The following PPP6R2 variants were observed in gnomAD, a reference collection of about 807,000 sequenced individuals.
The protein encoded by PPP6R2 is serine/threonine-protein phosphatase 6 regulatory subunit 2.
PPP6R2 carries 62 observed loss-of-function variants against 100.2 expected under a neutral mutation model. That is an observed-to-expected ratio of 0.62 (90% CI 0.50 to 0.76). The LOEUF (loss-of-function observed/expected upper bound fraction) is 0.76, where lower values mean the gene tolerates loss of function less well. PPP6R2 is among the 30% of genes least tolerant of loss of function. The probability of loss-of-function intolerance (pLI) is 0.00; values close to 1 mark genes in which losing one functional copy is unlikely to be tolerated. For synonymous variants in PPP6R2, 525 were observed against 514.7 expected (o/e 1.02, Z -0.27); for missense variants, 1,142 against 1,276.3 (o/e 0.89, Z 1.60).
At chr22:50,443,284 T>TA (rs1477636051) in intron 22 of PPP6R2, 1 of 153,880 alleles carries the variant, frequency 6.5e-6, no homozygotes, top group Non-Finnish European at 1.4e-5. Context: ...ACTTGCCACT[T>TA]AGAGCCCTGC....
chr22:50,418,316 G>T (rs898508537), intron 6 of PPP6R2, among the ~76,000 whole-genome samples: 10 of 152,022 alleles, frequency 6.6e-5, no homozygotes, highest in Non-Finnish European at 1.2e-4. Flanking sequence ...GCAGACACAG[G>T]CTTCTTTGAA....
chr22:50,403,795 T>G (rs1424580504), intron 3 of PPP6R2, among the ~76,000 whole-genome samples: 1 of 152,210 alleles, frequency 6.6e-6, no homozygotes, highest in Non-Finnish European at 1.5e-5. Flanking sequence ...TGGCACTTTC[T>G]TGTCTGGGCT....
At position 50,439,848 on chromosome 22, in the gene PPP6R2, C is replaced by T. The variant is rs773960154; in HGVS notation, c.2276C>T (p.Pro759Leu). ...TGGGCCAAGTTCACTGACTTCCAAC[C>T]TTTCTGCTGGTAACAAATGCGCTGG... The part of the protein sequence containing the change: ...KGWAKFTDFQ[P>L]FCCSESGPRC... Residue 759 changes from proline to leucine, a missense_variant, in exon 20 of 24, where the codon CCT (proline) becomes CTT (leucine). Physicochemically the swap from Pro to Leu is moderately conservative, Grantham distance 98 (BLOSUM62 -3). This residue lies in a region of PPP6R2 where 550 missense variants were observed against 517.4 expected (regional missense o/e 1.06). Transcript: ENST00000612753. The T allele has an allele frequency of 1.9e-6, 3 of 1,612,750 alleles. No homozygotes were observed. The highest frequency in any genetic ancestry group is 2.5e-6 in the Non-Finnish European group (3 of 1,179,328).
Position 50,431,409 on chromosome 22 carries a change from C to T in PPP6R2, c.1335+27C>T. On this transcript the variant is annotated intron_variant, in intron 11 of 23. Transcript: ENST00000612753. The surrounding 1 kb of genome is among the most constrained non-coding windows in gnomAD (Gnocchi z 4.8). ...TGAGTCCAAGAAGCATCCATCTTAT[C>T]AGCGCCAACTGCGCCCCACTCAGAC... The T allele has an allele frequency of 1.3e-6, 2 of 1,597,198 alleles. No homozygotes were observed. Among genetic ancestry groups the T allele is most frequent in the African/African-American group, 2.7e-5 (2 of 74,762 alleles).
At position 50,443,872 on chromosome 22, in the gene PPP6R2, G is replaced by T. The variant is rs761391244; in HGVS notation, c.2586G>T (p.Gly862=). 37 of 1,579,452 alleles carry T rather than the reference G, an allele frequency of 2.3e-5. No individual in the cohort carries two copies. The highest frequency in any genetic ancestry group is 3.1e-5 in the Non-Finnish European group (36 of 1,161,888). ...ARTEEAVGRV[G]CADSRLLSPA... is the part of the protein sequence containing the mutation. Reference sequence around the variant, plus strand: ...GTCCATGTTTGCCACACAGGGTCGGGTGTGCTGACAGCCGGCTGTTAAGCC... The same window carrying T: ...GTCCATGTTTGCCACACAGGGTCGGTTGTGCTGACAGCCGGCTGTTAAGCC... Residue 862 remains glycine (G), a synonymous_variant, in exon 23 of 24, where the codon GGG becomes GGT. Coordinates refer to ENST00000612753, the MANE Select transcript of PPP6R2 (RefSeq NM_001242898.2).
chr22:50,381,095 C>T (rs2052813101), intron 2 of PPP6R2, among the ~76,000 whole-genome samples: 1 of 136,688 alleles, frequency 7.3e-6, no homozygotes, highest in South Asian at 2.3e-4. Context: ...GCCTGGGTGA[C>T]AGGAATGAAA....
At chr22:50,442,902 C>T (rs923622389) in intron 22 of PPP6R2, among the ~76,000 whole-genome samples, 11 of 151,206 alleles carry the variant, frequency 7.3e-5, no homozygotes, top group African/African-American at 2.2e-4. Flanking sequence ...CAGTGGCTCA[C>T]GCCTGTAATC....
intron 1 of PPP6R2, among the ~76,000 whole-genome samples, chr22:50,366,112 C>T (rs2048711012): frequency 6.6e-6 from 1 of 152,082 alleles, no homozygotes; most frequent in Non-Finnish European, 1.5e-5. Context: ...TACTTGGAAA[C>T]AGTTTGATTC....
intron 12 of PPP6R2, among the ~76,000 whole-genome samples, chr22:50,433,599 C>T (rs1239249838): frequency 5.0e-4 from 21 of 42,190 alleles, no homozygotes; most frequent in African/African-American, 1.7e-3. Context: ...GGAGGAGGGC[C>T]GGGGGCATGG....
At chr22:50,333,339 C>CTT in the PPP6R2 span, among the ~76,000 whole-genome samples, 8 of 140,612 alleles carry the variant, frequency 5.7e-5, no homozygotes, top group Admixed American at 7.2e-5. Flanking sequence ...TGTTCTTTTT[C>CTT]TTTTTTTTTT....
intron 4 of PPP6R2, among the ~76,000 whole-genome samples, chr22:50,412,769 G>C (rs1251428176): frequency 6.7e-6 from 1 of 149,480 alleles, no homozygotes; most frequent in Non-Finnish European, 1.5e-5. Context: ...AGCCTCCCGA[G>C]TAGCTGGGAT....
At chr22:50,335,535 C>T in the PPP6R2 span, among the ~76,000 whole-genome samples, 3 of 150,988 alleles carry the variant, frequency 2.0e-5, no homozygotes, top group Non-Finnish European at 4.4e-5. Flanking sequence ...GTTTTTGAGA[C>T]GAAGTCTCAC....
rs774678389 is a variant in PPP6R2 at position 50,440,829 on chromosome 22, G to A, written c.2382G>A (p.Pro794=). 5.0e-5 allele frequency: 81 copies of A among 1,613,206 alleles called. No individual in the cohort carries two copies. The highest frequency in any genetic ancestry group is 1.3e-4 in the South Asian group (12 of 91,058). ...RSQGPEKAFS[P]ASPCAWNVCV... ...AGGCCTCCTACTTTGCAGTCAGCCC[G>A]GCTTCTCCATGTGCCTGGAACGTGT... Residue 794 remains proline, a synonymous_variant, in exon 22 of 24, where the codon CCG becomes CCA. Coordinates refer to ENST00000612753, the MANE Select transcript of PPP6R2 (RefSeq NM_001242898.2).
intron 1 of PPP6R2, among the ~76,000 whole-genome samples, chr22:50,360,449 AACTC>A: frequency 6.6e-6 from 1 of 151,108 alleles, no homozygotes; most frequent in South Asian, 2.1e-4. Context: ...TGCAGTCTTG[AACTC>A]TCAGGCATAA....
At chr22:50,412,634 T>C (rs2059917636) in intron 4 of PPP6R2, among the ~76,000 whole-genome samples, 1 of 46,428 alleles carries the variant, frequency 2.2e-5, no homozygotes, top group Non-Finnish European at 4.0e-5. Context: ...TAAGTCCTTT[T>C]TTTTTTTTTT....
chr22:50,437,763 G>A, intron 16 of PPP6R2, 80 bp from the exon 17 acceptor site: 1 of 1,477,512 alleles, frequency 6.8e-7, no homozygotes, highest in South Asian at 1.2e-5. Context: ...CCCCCGATGA[G>A]CACCGGGGGA....
At chr22:50,383,134 G>A (rs1019177059) in intron 2 of PPP6R2, among the ~76,000 whole-genome samples, 4 of 152,022 alleles carry the variant, frequency 2.6e-5, no homozygotes, top group Admixed American at 1.3e-4. Flanking sequence ...CAGCACACCC[G>A]GCCTGATTTA....
intron 3 of PPP6R2, among the ~76,000 whole-genome samples, chr22:50,403,529 G>T (rs1470379880): frequency 6.6e-6 from 1 of 152,230 alleles, no homozygotes; most frequent in East Asian, 1.9e-4. Flanking sequence ...AACAGACAAG[G>T]ACACTAAAGG....
chr22:50,401,694 A>G (rs1478912491), intron 3 of PPP6R2, among the ~76,000 whole-genome samples: 3 of 149,868 alleles, frequency 2.0e-5, no homozygotes, highest in South Asian at 2.1e-4. Context: ...CCAGGCTGGA[A>G]TGCAGTGGCA....
Sources: allele counts gnomAD v4.1 joint callset (sites outside exome capture counted in the v4.1 genomes callset), GRCh38; gene constraint gnomAD v4.1.1; regional missense constraint gnomAD v4.1.1; non-coding constraint Gnocchi (gnomAD v3.1); transcripts MANE v1.5; gene names NCBI Gene and HGNC (gene_info 2026-07-23, HGNC 2026-07-21).